Variants in TYW1 observed in about 807,000 individuals in gnomAD.
TYW1 encodes tRNA-yW synthesizing protein 1 homolog, also known as S-adenosyl-L-methionine-dependent tRNA 4-demethylwyosine synthase TYW1.
A neutral mutation model predicts 96.2 loss-of-function variants in TYW1; 46 were observed. The observed-to-expected ratio is 0.48, with a 90% CI of 0.38 to 0.61. The LOEUF (loss-of-function observed/expected upper bound fraction) is 0.61. Among genes scored for constraint, TYW1 ranks in the 20% least tolerant of loss-of-function variants. The probability of loss-of-function intolerance (pLI) is 0.00; values close to 1 mark genes in which losing one functional copy is unlikely to be tolerated. For synonymous variants in TYW1, 274 were observed against 323.0 expected (o/e 0.85, Z 1.63); for missense variants, 684 against 909.6 (o/e 0.75, Z 3.19).
intron 7 of TYW1, among the ~76,000 whole-genome samples, chr7:67,049,550 A>T (rs1004542185): frequency 1.1e-4 from 17 of 151,706 alleles, no homozygotes; most frequent in Non-Finnish European, 2.1e-4. Context: ...AATTATTTAT[A>T]ATTATTTATT....
intron 9 of TYW1, among the ~76,000 whole-genome samples, chr7:67,059,318 T>C (rs1018755776): frequency 6.5e-4 from 98 of 151,878 alleles, no homozygotes; most frequent in African/African-American, 2.2e-3. Flanking sequence ...TTAGCCAGGA[T>C]GGTCTCGATC....
chr7:67,194,783 G>A (rs1460259788), intron 14 of TYW1, among the ~76,000 whole-genome samples: 2 of 148,776 alleles, frequency 1.3e-5, no homozygotes, highest in African/African-American at 5.1e-5. Flanking sequence ...TGTCCACTAT[G>A]CCCCCATTAT....
At chr7:67,082,093 T>A (rs4117663) in intron 10 of TYW1, among the ~76,000 whole-genome samples, 15,669 of 151,818 alleles carry the variant, frequency 0.1, 866 homozygotes, top group Middle Eastern at 0.15. Context: ...GACCATTATT[T>A]TAAATTCTGT....
intron 10 of TYW1, among the ~76,000 whole-genome samples, chr7:67,081,765 C>T (rs1467930391): frequency 6.7e-6 from 1 of 150,032 alleles, no homozygotes; most frequent in African/African-American, 2.5e-5. Flanking sequence ...CTTCCTCTTC[C>T]TTCTTCTTTT....
rs1259958737 is a variant in TYW1, at chr7:67,026,333, G to T, written c.984+1311G>T. On this transcript the variant is annotated intron_variant, in intron 7 of 15. Coordinates refer to ENST00000359626, the MANE Select transcript of TYW1 (RefSeq NM_018264.4). Reference sequence around the variant, plus strand: ...GGTGATCTGCCCGCCTTGGCCTCCTGTGGTGCTGGGATTACACACATGAGT... The same window carrying T: ...GGTGATCTGCCCGCCTTGGCCTCCTTTGGTGCTGGGATTACACACATGAGT... Among the ~76,000 whole-genome samples the T allele has an allele frequency of 2.0e-5, 3 of 152,130 alleles. No individual in the cohort carries two copies. In the East Asian group the frequency reaches 5.8e-4, roughly 29 times the overall value.
At chr7:67,049,169 A>G (rs902903278) in intron 7 of TYW1, among the ~76,000 whole-genome samples, 1 of 152,202 alleles carries the variant, frequency 6.6e-6, no homozygotes, top group Non-Finnish European at 1.5e-5. Context: ...GCTCTAATTT[A>G]TTGAACGCCT....
intron 13 of TYW1, among the ~76,000 whole-genome samples, chr7:67,176,819 T>C (rs1799686065): frequency 6.6e-6 from 1 of 152,118 alleles, no homozygotes; most frequent in South Asian, 2.1e-4. Context: ...CATTTTAGAC[T>C]GGATAGTTCT....
intron 6 of TYW1, among the ~76,000 whole-genome samples, chr7:67,024,308 G>A (rs62466616): frequency 0.04 from 6,068 of 152,052 alleles, 179 homozygotes; most frequent in Middle Eastern, 0.11. Context: ...GGGATTATAG[G>A]CATGTGCTAC....
chr7:67,029,949 A>G (rs1025340234), intron 7 of TYW1, among the ~76,000 whole-genome samples: 6 of 152,134 alleles, frequency 3.9e-5, no homozygotes, highest in Admixed American at 3.9e-4. Flanking sequence ...AAGGCCACAG[A>G]TCAGAAACGG....
At chr7:67,041,779 A>G (rs1490132154) in intron 7 of TYW1, among the ~76,000 whole-genome samples, 1 of 152,104 alleles carries the variant, frequency 6.6e-6, no homozygotes, top group Admixed American at 6.6e-5. Flanking sequence ...AGTAATACTC[A>G]CTAACTTTCA....
At chr7:67,003,518 G>A (rs1179688057) in intron 3 of TYW1, among the ~76,000 whole-genome samples, 1 of 151,308 alleles carries the variant, frequency 6.6e-6, no homozygotes, top group Non-Finnish European at 1.5e-5. Flanking sequence ...TAAACTGCAT[G>A]TATTCAGGGA....
chr7:67,137,985 T>C (rs1798321086), intron 13 of TYW1, among the ~76,000 whole-genome samples: 1 of 152,184 alleles, frequency 6.6e-6, no homozygotes, highest in Non-Finnish European at 1.5e-5. Context: ...CTAAGAAACC[T>C]GGGAGGTTGC....
intron 15 of TYW1, among the ~76,000 whole-genome samples, chr7:67,209,043 A>C (rs1399893137): frequency 1.3e-5 from 2 of 152,196 alleles, no homozygotes; most frequent in African/African-American, 4.8e-5. Context: ...GCATTTGATA[A>C]GAGGCAGGCT....
intron 15 of TYW1, among the ~76,000 whole-genome samples, chr7:67,237,456 G>C (rs1407213201): frequency 6.7e-6 from 1 of 149,582 alleles, no homozygotes; most frequent in Non-Finnish European, 1.5e-5. Flanking sequence ...GCCGAGATCA[G>C]GCCACTACAC....
chr7:67,043,054 A>G (rs577447130), intron 7 of TYW1, among the ~76,000 whole-genome samples: 31 of 151,850 alleles, frequency 2.0e-4, no homozygotes, highest in Admixed American at 4.6e-4. Context: ...ATCTCACTCA[A>G]TCCTCACAGT....
intron 13 of TYW1, among the ~76,000 whole-genome samples, chr7:67,178,750 AG>A (rs1286048262): frequency 6.6e-6 from 1 of 151,926 alleles, no homozygotes; most frequent in Non-Finnish European, 1.5e-5. Flanking sequence ...TGTTAAAGTC[AG>A]GATATTAGAT....
intron 6 of TYW1, among the ~76,000 whole-genome samples, chr7:67,020,094 C>T (rs546931387): frequency 6.6e-6 from 1 of 152,408 alleles, no homozygotes; most frequent in East Asian, 1.9e-4. Flanking sequence ...AAAGAGCTTA[C>T]AGCCAGTGTG....
intron 10 of TYW1, among the ~76,000 whole-genome samples, chr7:67,081,641 G>A (rs934774422): frequency 2.0e-5 from 3 of 150,642 alleles, no homozygotes; most frequent in Non-Finnish European, 4.4e-5. Context: ...TTTTTCCTAC[G>A]CCTCCTGCTG....
At chr7:67,039,505 C>T (rs1365534129) in intron 7 of TYW1, among the ~76,000 whole-genome samples, 2 of 151,812 alleles carry the variant, frequency 1.3e-5, no homozygotes, top group Non-Finnish European at 2.9e-5. Context: ...GGTACAAGGT[C>T]TGGTCCAGCC....
Sources: gnomAD v4.1 joint callset for allele counts (sites outside exome capture counted in the v4.1 genomes callset) on GRCh38, gnomAD v4.1.1 for gene constraint, MANE v1.5 for transcripts, NCBI Gene and HGNC (gene_info 2026-07-23, HGNC 2026-07-21) for gene names.